Variants in NRXN1 observed in about 807,000 individuals in gnomAD.
The protein encoded by NRXN1 is neurexin 1, also known as neurexin-1.
A neutral mutation model predicts 150.9 loss-of-function variants in NRXN1; 39 were observed. That is an observed-to-expected ratio of 0.26 (90% CI 0.20 to 0.34). The LOEUF (loss-of-function observed/expected upper bound fraction) is 0.34. Ranked by LOEUF, NRXN1 falls within the 10% of genes least tolerant of loss-of-function variation. The pLI, the probability that NRXN1 is intolerant of heterozygous loss-of-function variation, is 1.00. For missense variants in NRXN1, 1,815 were observed against 1,949.9 expected (o/e 0.93, Z 1.30); for synonymous variants, 924 against 757.0 (o/e 1.22, Z -3.62).
intron 15 of NRXN1, among the ~76,000 whole-genome samples, chr2:50,487,715 A>C (rs767214161): frequency 1.3e-5 from 2 of 152,180 alleles, no homozygotes; most frequent in African/African-American, 4.8e-5. Flanking sequence ...CTGAAATCCA[A>C]CTAGATGAGA....
Position 49,953,789 on chromosome 2 carries a change from G to A in NRXN1, c.4129-9998C>T, listed in dbSNP as rs370294590. Among the ~76,000 whole-genome samples the A allele has an allele frequency of 2.5e-4, 38 of 152,086 alleles. No individual in the cohort carries two copies. In the East Asian group the frequency reaches 6.2e-3, roughly 25 times the overall value. ...TAAAAGTGCCCACGATGCAGTGTTT[G>A]TATAAATTATTATTATAGAAAACAC... On this transcript the variant is annotated intron_variant, in intron 21 of 22. Transcript: ENST00000401669.
intron 8 of NRXN1, among the ~76,000 whole-genome samples, chr2:50,560,413 G>C (rs928333261): frequency 8.8e-6 from 1 of 113,280 alleles, no homozygotes; most frequent in East Asian, 3.9e-4. Flanking sequence ...GTACAAAGTA[G>C]TCTGATGTAT....
At chr2:50,066,568 A>T (rs1019433944) in intron 19 of NRXN1, among the ~76,000 whole-genome samples, 1 of 152,206 alleles carries the variant, frequency 6.6e-6, no homozygotes, top group African/African-American at 2.4e-5. Flanking sequence ...ATTGATCATT[A>T]TCCTGAACTT....
chr2:50,843,574 T>C (rs955519162), intron 5 of NRXN1, among the ~76,000 whole-genome samples: 6 of 152,224 alleles, frequency 3.9e-5, no homozygotes, highest in Non-Finnish European at 7.3e-5. Flanking sequence ...CTTCATTTCA[T>C]TTCATTTCAT....
intron 21 of NRXN1, among the ~76,000 whole-genome samples, chr2:50,006,085 G>C (rs1684711606): frequency 6.6e-6 from 1 of 151,994 alleles, no homozygotes; most frequent in African/African-American, 2.4e-5. Flanking sequence ...TCCTCAGTAA[G>C]TATTTGTAGA....
intron 5 of NRXN1, among the ~76,000 whole-genome samples, chr2:50,909,233 CTTTTTAATAA>C (rs1398296679): frequency 2.0e-5 from 3 of 151,860 alleles, no homozygotes; most frequent in African/African-American, 7.2e-5. Context: ...TAAAGAAAAA[CTTTTTAATAA>C]TTAAACCTCT....
chr2:50,074,519 A>C (rs1229166678), intron 19 of NRXN1, among the ~76,000 whole-genome samples: 1 of 152,142 alleles, frequency 6.6e-6, no homozygotes, highest in Non-Finnish European at 1.5e-5. Flanking sequence ...TAATGTCTGT[A>C]AAGTTGCTGG....
intron 13 of NRXN1, among the ~76,000 whole-genome samples, chr2:50,504,468 G>C (rs1437304952): frequency 6.6e-6 from 1 of 151,868 alleles, no homozygotes; most frequent in African/African-American, 2.4e-5. Context: ...AAGACAAACT[G>C]GCTTAAATGT....
At chr2:50,609,392 A>G (rs1174689475) in intron 8 of NRXN1, among the ~76,000 whole-genome samples, 3 of 152,166 alleles carry the variant, frequency 2.0e-5, no homozygotes, top group Non-Finnish European at 4.4e-5. Context: ...TGCATAGGTT[A>G]TAAGTCCATG....
intron 5 of NRXN1, among the ~76,000 whole-genome samples, chr2:50,645,410 A>C (rs1684678879): frequency 6.6e-6 from 1 of 151,982 alleles, no homozygotes; most frequent in Admixed American, 6.6e-5. Context: ...TAGCACCTGC[A>C]TCTGTCTACC....
chr2:50,585,543 T>G (rs2103717253), intron 8 of NRXN1, among the ~76,000 whole-genome samples: 1 of 152,240 alleles, frequency 6.6e-6, no homozygotes, highest in African/African-American at 2.4e-5. Flanking sequence ...TGATTAAAAA[T>G]AATACATGCC....
chr2:50,669,486 T>C (rs1688537672), intron 5 of NRXN1, among the ~76,000 whole-genome samples: 1 of 151,996 alleles, frequency 6.6e-6, no homozygotes, highest in Non-Finnish European at 1.5e-5. Context: ...TTTATTATCC[T>C]CACTTGGAGA....
At chr2:50,655,180 G>T (rs2104590430) in intron 5 of NRXN1, among the ~76,000 whole-genome samples, 1 of 151,352 alleles carries the variant, frequency 6.6e-6, no homozygotes, top group East Asian at 2.0e-4. Context: ...GTGAAAAGTA[G>T]CAAGCATGGA....
At chr2:50,984,773 T>G (rs1392194488) in intron 2 of NRXN1, among the ~76,000 whole-genome samples, 1 of 152,020 alleles carries the variant, frequency 6.6e-6, no homozygotes, top group African/African-American at 2.4e-5. Context: ...AGAGGCTTCT[T>G]TAATAGATGT....
chr2:50,652,284 A>C (rs1054091804), intron 5 of NRXN1, among the ~76,000 whole-genome samples: 7 of 152,052 alleles, frequency 4.6e-5, no homozygotes, highest in African/African-American at 1.4e-4. Context: ...TATACAATTC[A>C]ATGAGTTTTG....
chr2:50,877,952 A>G (rs1466513297), intron 5 of NRXN1, among the ~76,000 whole-genome samples: 2 of 151,928 alleles, frequency 1.3e-5, no homozygotes, highest in Non-Finnish European at 2.9e-5. Flanking sequence ...TTTACTTCCA[A>G]GATTTCACAT....
At chr2:50,524,658 C>T (rs574849850) in intron 12 of NRXN1, among the ~76,000 whole-genome samples, 1 of 152,050 alleles carries the variant, frequency 6.6e-6, no homozygotes, top group Non-Finnish European at 1.5e-5. Context: ...CCTGAATCCA[C>T]TGAATCCACT....
At chr2:50,454,329 G>GTAAA (rs983041758) in intron 17 of NRXN1, among the ~76,000 whole-genome samples, 17 of 151,854 alleles carry the variant, frequency 1.1e-4, no homozygotes, top group South Asian at 4.2e-4. Flanking sequence ...CCATCTCGAA[G>GTAAA]TAAATAAATA....
intron 13 of NRXN1, among the ~76,000 whole-genome samples, chr2:50,499,968 T>C (rs1363641189): frequency 2.9e-5 from 4 of 135,920 alleles, no homozygotes; most frequent in Non-Finnish European, 6.2e-5. Flanking sequence ...AAAAAAAAAG[T>C]CATATGGGCT....
Sources: allele counts gnomAD v4.1 joint callset (sites outside exome capture counted in the v4.1 genomes callset), GRCh38; gene constraint gnomAD v4.1.1; transcripts MANE v1.5; gene names NCBI Gene and HGNC (gene_info 2026-07-23, HGNC 2026-07-21).